The following LRRC27 variants were observed in gnomAD, a reference collection of about 807,000 sequenced individuals.
LRRC27 encodes leucine rich repeat containing 27, also known as leucine-rich repeat-containing protein 27.
In LRRC27, 57 loss-of-function variants were observed where a neutral mutation model predicts 55.0. That is an observed-to-expected ratio of 1.04 (90% CI 0.84 to 1.29). The LOEUF (loss-of-function observed/expected upper bound fraction) is 1.29. Among genes scored for constraint, LRRC27 ranks in the 50% most tolerant of loss-of-function variants. The pLI is 0.00. For synonymous variants in LRRC27, 278 were observed against 251.9 expected (o/e 1.10, Z -0.98); for missense variants, 721 against 651.5 (o/e 1.11, Z -1.16).
chr10:132,369,860 C>T (rs932955709), intron 10 of LRRC27, among the ~76,000 whole-genome samples: 2 of 152,158 alleles, frequency 1.3e-5, no homozygotes, highest in African/African-American at 2.4e-5. Context: ...ACTGTTCTCC[C>T]GTGCTCCCCC....
intron 7 of LRRC27, chr10:132,353,217 T>C: frequency 7.4e-7 from 1 of 1,347,422 alleles, no homozygotes; most frequent in Non-Finnish European, 9.6e-7. Flanking sequence ...CCGGCTTCTT[T>C]GTGAGCTGCC....
At chr10:132,338,043 C>G (rs1157513208) in intron 3 of LRRC27, among the ~76,000 whole-genome samples, 2 of 152,300 alleles carry the variant, frequency 1.3e-5, no homozygotes, top group East Asian at 3.9e-4. Context: ...TGGCCAGGCG[C>G]GGTGGCTCAC....
Position 132,348,183 on chromosome 10 carries a change from G to T in LRRC27, c.753G>T (p.Glu251Asp), listed in dbSNP as rs772620424. ...TCAGGAAGTCTGCGGACTCCTCAGA[G>T]AACTGGCCCAGCGAGGAGGAGATCA... ...SELRKSADSS[E>D]NWPSEEEIRR... Residue 251 changes from glutamate to aspartate, a missense_variant, in exon 6 of 11, where the codon GAG (glutamate) becomes GAT (aspartate). Glu to Asp is a conservative substitution (Grantham distance 45, BLOSUM62 2). Transcript: ENST00000368614. This position sits in a 1 kb window ranked among gnomAD's most constrained non-coding sequence, Gnocchi z 4.2. 6.2e-7 allele frequency: 1 copy of T among 1,614,156 alleles called. No individual in the cohort carries two copies. The highest frequency in any genetic ancestry group is 1.3e-5 in the African/African-American group (1 of 75,072).
Position 132,355,879 on chromosome 10 carries a change from G to A in LRRC27, c.1163G>A (p.Arg388Lys), listed in dbSNP as rs368874033. ...CTCAGCAAACTCCTGCCTCCGCGGAGGAGCATGGTACGGCACGCGCGGGCG... is the reference window on the plus strand; with the variant it reads ...CTCAGCAAACTCCTGCCTCCGCGGAAGAGCATGGTACGGCACGCGCGGGCG... Reference protein sequence around the residue: ...EELSKLLPPRRSMVASKIPSA... With the variant: ...EELSKLLPPRKSMVASKIPSA... Residue 388 changes from arginine (R) to lysine (K), a missense_variant, in exon 8 of 11, where the codon AGG (arginine) becomes AAG (lysine). Arg to Lys is a conservative substitution (Grantham distance 26). Transcript: ENST00000368614. The A allele has an allele frequency of 6.4e-6, 10 of 1,553,920 alleles. No individual in the cohort carries two copies. The African/African-American group carries it at 1.1e-4, about 17-fold the overall frequency.
intron 7 of LRRC27, among the ~76,000 whole-genome samples, 198 bp from the exon 8 acceptor site, chr10:132,355,592 A>C (rs2068270365): frequency 6.6e-6 from 1 of 152,072 alleles, no homozygotes; most frequent in Non-Finnish European, 1.5e-5. Context: ...TCGGGATAGA[A>C]CCCGGCATTC....
chr10:132,348,886 G>GC lies in LRRC27; in HGVS notation c.926+533dup. ...ACAAAAGGAAGGCAGTCATTGTGTG[G>GC]CCCACTTCCAAAGCTTGCCTTTGCC... On this transcript the variant is annotated intron_variant, in intron 6 of 10. Coordinates refer to ENST00000368614, the MANE Select transcript of LRRC27 (RefSeq NM_030626.3). The surrounding 1 kb of genome is among the most constrained non-coding windows in gnomAD (Gnocchi z 4.2). 1 of 997,830 alleles carries GC rather than the reference G, an allele frequency of 1.0e-6. No homozygotes were observed. Among genetic ancestry groups the GC allele is most frequent in the East Asian group, 2.6e-5 (1 of 37,948 alleles). 61.8% of individuals were successfully genotyped at this position (997,830 alleles called of 1,614,324 possible). A position where few individuals can be genotyped will look rare whatever the true frequency, so the allele number is the denominator to read the frequency against.
At chr10:132,373,744 G>A (rs973601379) in intron 10 of LRRC27, among the ~76,000 whole-genome samples, 4 of 152,174 alleles carry the variant, frequency 2.6e-5, no homozygotes, top group East Asian at 1.9e-4. Context: ...AGAAGCCCCC[G>A]GCCGCCCCCT....
chr10:132,369,324 T>G (rs1399281793), intron 10 of LRRC27, among the ~76,000 whole-genome samples: 1 of 152,218 alleles, frequency 6.6e-6, no homozygotes, highest in Non-Finnish European at 1.5e-5. Context: ...CACACAGACA[T>G]AGCAGCTTTT....
intron 2 of LRRC27, chr10:132,337,191 GC>G: frequency 8.5e-7 from 1 of 1,170,866 alleles, no homozygotes; most frequent in Non-Finnish European, 1.1e-6. Flanking sequence ...GATTTCGGGG[GC>G]TGCCGAGGGC....
chr10:132,344,977 G>C (rs112265238), intron 5 of LRRC27: 19 of 211,914 alleles, frequency 9.0e-5, no homozygotes, highest in Admixed American at 7.7e-4. Context: ...GCTGCATTAG[G>C]CAGCTATTTT....
chr10:132,350,906 C>T (rs2132933243), intron 6 of LRRC27: 1 of 152,376 alleles, frequency 6.6e-6, no homozygotes, highest in South Asian at 2.1e-4. Context: ...CCTGGTTTTC[C>T]CCAGGTGTTT....
At chr10:132,335,115 C>T (rs367849235) in intron 2 of LRRC27, 10 of 152,206 alleles carry the variant, frequency 6.6e-5, no homozygotes, top group African/African-American at 2.2e-4. Context: ...ACAAACTTAC[C>T]CATCCAAACC....
intron 3 of LRRC27, among the ~76,000 whole-genome samples, chr10:132,341,188 C>T (rs1266685982): frequency 6.6e-6 from 1 of 151,910 alleles, no homozygotes; most frequent in Non-Finnish European, 1.5e-5. Flanking sequence ...CTCAGCTCAG[C>T]CAGGCGTGGT....
chr10:132,335,505 G>A (rs369068378), intron 2 of LRRC27, among the ~76,000 whole-genome samples: 112 of 149,572 alleles, frequency 7.5e-4, no homozygotes, highest in Non-Finnish European at 1.3e-3. Context: ...CCTGGATGTC[G>A]TCTATTGGTT....
In LRRC27 at chr10:132,353,443, C is replaced by T. The variant is rs1403844315; in HGVS notation, c.1073+1690C>T. ...TTCTCTCGGGACCATGTGATAGGGG[C>T]TGTGTCCAGCACACAGATTCTGTGA... On this transcript the variant is annotated intron_variant, in intron 7 of 10. Transcript: ENST00000368614. The T allele has an allele frequency of 6.1e-5, 61 of 1,002,700 alleles. No homozygotes were observed. In the Middle Eastern group the frequency reaches 1.5e-3, roughly 25 times the overall value. 62.1% of individuals were successfully genotyped at this position (1,002,700 alleles called of 1,614,324 possible). A position where few individuals can be genotyped will look rare whatever the true frequency, so the allele number is the denominator to read the frequency against.
chr10:132,330,574 C>T (rs2066646246), upstream of LRRC27: 15 of 707,080 alleles, frequency 2.1e-5, no homozygotes, highest in South Asian at 1.9e-4. Flanking sequence ...GTGGCACAAT[C>T]ATAACTCACT....
At chr10:132,358,598 AGGGAGGAGCCGAGGTGGTGGAGCGTG>A (rs2068432938) in intron 8 of LRRC27, among the ~76,000 whole-genome samples, 1 of 21,500 alleles carries the variant, frequency 4.7e-5, no homozygotes, top group South Asian at 1.3e-3. Context: ...GGAGCAGCGT[AGGGAGGAGCCGAGGTGGTGGAGCGTG>A]GGGAGGAGCC....
chr10:132,365,302 G>A (rs145311320), intron 9 of LRRC27, 122 bp from the exon 10 acceptor site: 3 of 1,320,480 alleles, frequency 2.3e-6, no homozygotes, highest in Non-Finnish European at 3.2e-6. Context: ...CTGTGCGGGA[G>A]CCTCAGGACC....
intron 4 of LRRC27, among the ~76,000 whole-genome samples, chr10:132,343,988 G>T (rs1294954600): frequency 2.6e-5 from 4 of 152,190 alleles, no homozygotes; most frequent in Non-Finnish European, 5.9e-5. Flanking sequence ...TTTCACATTT[G>T]TGGAGTCCTT....
Sources: gnomAD v4.1 joint callset for allele counts (sites outside exome capture counted in the v4.1 genomes callset) on GRCh38, gnomAD v4.1.1 for gene constraint, Gnocchi (gnomAD v3.1) non-coding constraint, MANE v1.5 for transcripts, NCBI Gene and HGNC (gene_info 2026-07-23, HGNC 2026-07-21) for gene names.